Variants in ANKS1B observed in about 807,000 individuals in gnomAD.
ANKS1B encodes ankyrin repeat and sterile alpha motif domain containing 1B, also known as ankyrin repeat and sterile alpha motif domain-containing protein 1B.
In ANKS1B, 36 loss-of-function variants were observed where a neutral mutation model predicts 148.3. The ratio of observed to expected loss-of-function variants is 0.24; its 90% CI spans 0.19 to 0.32. The LOEUF is 0.32. Among genes scored for constraint, ANKS1B ranks in the 10% least tolerant of loss-of-function variants. ANKS1B has a pLI of 1.00. For missense variants in ANKS1B, 1,157 were observed against 1,542.6 expected (o/e 0.75, Z 4.19); for synonymous variants, 542 against 560.8 (o/e 0.97, Z 0.47).
Position 99,564,450 on chromosome 12 carries a change from AAATT to A in ANKS1B, c.1273-59813_1273-59810del, listed in dbSNP as rs558943762. ...CCATTTTTTATAAAAATAAATGATA[AAATT>A]AATAATATATGTACATATTTAGAGA... is the stretch of plus-strand genomic sequence containing the variant. On this transcript the variant is annotated intron_variant, in intron 9 of 26. Transcript: ENST00000683438. Among the ~76,000 whole-genome samples the A allele has an allele frequency of 1.4e-4, 22 of 152,072 alleles. No individual in the cohort carries two copies. In the East Asian group the frequency reaches 3.5e-3, roughly 24 times the overall value.
chr12:99,888,222 AC>A (rs2092924297), intron 1 of ANKS1B, among the ~76,000 whole-genome samples: 1 of 152,200 alleles, frequency 6.6e-6, no homozygotes, highest in South Asian at 2.1e-4. Context: ...GCTTTATAAG[AC>A]CCAGACAACT....
At chr12:99,495,676 T>C (rs988940523) in intron 10 of ANKS1B, among the ~76,000 whole-genome samples, 1 of 152,220 alleles carries the variant, frequency 6.6e-6, no homozygotes, top group Non-Finnish European at 1.5e-5. Flanking sequence ...GGCCAGTATT[T>C]GTGTGTAAAA....
Position 99,584,605 on chromosome 12 carries a change from A to AATAT in ANKS1B, c.1272+70458_1272+70461dup, listed in dbSNP as rs61338809. On this transcript the variant is annotated intron_variant, in intron 9 of 26. Coordinates refer to ENST00000683438, the MANE Select transcript of ANKS1B (RefSeq NM_001352186.2). ...CAGCAAGATCCTGTTTTGAGAGAGA[A>AATAT]ATATATATATATATCTGTTCTCACG... 7.2e-3 allele frequency among the ~76,000 whole-genome samples: 1,085 copies of AATAT among 151,464 alleles called. 12 individuals carry two copies. The highest frequency in any genetic ancestry group is 0.025 in the African/African-American group (1,025 of 41,246).
intron 15 of ANKS1B, among the ~76,000 whole-genome samples, chr12:99,127,416 A>G (rs1328599637): frequency 6.6e-6 from 1 of 152,142 alleles, no homozygotes; most frequent in Admixed American, 6.6e-5. Context: ...GACTGTCATC[A>G]TTTATCAGCA....
At chr12:98,942,192 G>A (rs535631379) in intron 17 of ANKS1B, among the ~76,000 whole-genome samples, 31 of 148,056 alleles carry the variant, frequency 2.1e-4, no homozygotes, top group Non-Finnish European at 3.9e-4. Flanking sequence ...AGTGAGCTGA[G>A]ATCGCGCCAC....
chr12:99,849,519 C>A (rs190025186), intron 1 of ANKS1B, among the ~76,000 whole-genome samples: 2 of 152,144 alleles, frequency 1.3e-5, no homozygotes, highest in East Asian at 3.9e-4. Context: ...ACTCTGTGAC[C>A]AGCAATTCAG....
intron 8 of ANKS1B, among the ~76,000 whole-genome samples, chr12:99,680,253 C>T (rs1323791470): frequency 6.6e-6 from 1 of 152,118 alleles, no homozygotes; most frequent in Non-Finnish European, 1.5e-5. Context: ...CCAGCCTGGC[C>T]AACATGGCAA....
chr12:99,939,058 C>T (rs1029619116), intron 1 of ANKS1B, among the ~76,000 whole-genome samples: 5 of 152,106 alleles, frequency 3.3e-5, no homozygotes, highest in African/African-American at 1.2e-4. Context: ...TACAAACAAA[C>T]CAGAGTAGGC....
intron 10 of ANKS1B, among the ~76,000 whole-genome samples, chr12:99,502,588 C>G (rs2096666217): frequency 6.6e-6 from 1 of 152,116 alleles, no homozygotes; most frequent in African/African-American, 2.4e-5. Context: ...TTAGACAACT[C>G]AAGGTCAAGT....
At chr12:99,028,492 T>C (rs993549105) in intron 17 of ANKS1B, among the ~76,000 whole-genome samples, 1 of 152,240 alleles carries the variant, frequency 6.6e-6, no homozygotes, top group Non-Finnish European at 1.5e-5. Flanking sequence ...ATAAAAGTCC[T>C]GAGACATCTT....
chr12:99,295,727 T>C (rs1277260848), intron 12 of ANKS1B, among the ~76,000 whole-genome samples: 1 of 152,156 alleles, frequency 6.6e-6, no homozygotes, highest in Non-Finnish European at 1.5e-5. Flanking sequence ...CTGGTACACA[T>C]TAGTTATTTT....
chr12:98,786,093 T>G (rs1423062988), intron 22 of ANKS1B, among the ~76,000 whole-genome samples: 8 of 152,154 alleles, frequency 5.3e-5, no homozygotes, highest in Admixed American at 3.9e-4. Flanking sequence ...TGGGTAAGGC[T>G]CCAAATTATT....
intron 17 of ANKS1B, among the ~76,000 whole-genome samples, chr12:98,834,283 G>T (rs1277138510): frequency 6.6e-6 from 1 of 152,132 alleles, no homozygotes; most frequent in African/African-American, 2.4e-5. Context: ...GCTGCTTAAG[G>T]TTTGCTGAAA....
At chr12:99,553,599 G>C (rs976385864) in intron 9 of ANKS1B, among the ~76,000 whole-genome samples, 1 of 152,174 alleles carries the variant, frequency 6.6e-6, no homozygotes, top group Admixed American at 6.5e-5. Context: ...ATATATAACA[G>C]AATTAATGTG....
chr12:99,520,738 C>T (rs1054721786), intron 9 of ANKS1B, among the ~76,000 whole-genome samples: 1 of 152,002 alleles, frequency 6.6e-6, no homozygotes, highest in African/African-American at 2.4e-5. Context: ...TGTAGTTGCG[C>T]TTTATTGTTT....
chr12:99,729,048 T>C (rs556270294), intron 8 of ANKS1B, among the ~76,000 whole-genome samples: 7 of 152,340 alleles, frequency 4.6e-5, no homozygotes, highest in Middle Eastern at 3.4e-3. Context: ...ATTGCAGTGG[T>C]CTATAACTGA....
chr12:99,638,225 C>A (rs2098262765), intron 9 of ANKS1B, among the ~76,000 whole-genome samples: 4 of 152,124 alleles, frequency 2.6e-5, no homozygotes, highest in Non-Finnish European at 4.4e-5. Flanking sequence ...GAGGTTGGAA[C>A]AGTTTCGAGG....
At chr12:99,369,094 A>G (rs1236326924) in intron 12 of ANKS1B, among the ~76,000 whole-genome samples, 2 of 152,152 alleles carry the variant, frequency 1.3e-5, no homozygotes, top group African/African-American at 2.4e-5. Context: ...GGGCAAACAG[A>G]CCTTGCAATG....
chr12:99,058,660 C>T (rs965296650), intron 16 of ANKS1B, among the ~76,000 whole-genome samples: 1 of 150,864 alleles, frequency 6.6e-6, no homozygotes, highest in East Asian at 1.9e-4. Flanking sequence ...TTCGCTCATG[C>T]CATTCCCTCT....
Sources: allele counts gnomAD v4.1 joint callset (sites outside exome capture counted in the v4.1 genomes callset), GRCh38; gene constraint gnomAD v4.1.1; transcripts MANE v1.5; gene names NCBI Gene and HGNC (gene_info 2026-07-23, HGNC 2026-07-21).